Variants in MX2 observed in about 807,000 individuals in gnomAD.
MX2 encodes the protein interferon-induced GTP-binding protein Mx2.
Under a neutral mutation model 74.0 loss-of-function variants are expected in MX2, and 51 were observed. The ratio of observed to expected loss-of-function variants is 0.69; its 90% CI spans 0.55 to 0.87. The LOEUF (loss-of-function observed/expected upper bound fraction) is 0.87. MX2 is among the 40% of genes least tolerant of loss of function. The probability of loss-of-function intolerance (pLI) is 0.00; values close to 1 mark genes in which losing one functional copy is unlikely to be tolerated. For synonymous variants in MX2, 369 were observed against 339.3 expected (o/e 1.09, Z -0.96); for missense variants, 832 against 908.7 (o/e 0.92, Z 1.09).
chr21:41,398,086 G>C (rs1337412918), intron 8 of MX2, among the ~76,000 whole-genome samples: 2 of 152,096 alleles, frequency 1.3e-5, no homozygotes, highest in Non-Finnish European at 2.9e-5. Context: ...AAAGCCAGTG[G>C]ATCACCTGAG....
At chr21:41,381,602 A>G (rs1258252250) in intron 4 of MX2, among the ~76,000 whole-genome samples, 2 of 150,010 alleles carry the variant, frequency 1.3e-5, no homozygotes, top group African/African-American at 2.5e-5. Flanking sequence ...GGAGAATGGC[A>G]TGAACCCGAA....
At chr21:41,398,825 C>T in intron 8 of MX2, 72 bp from the exon 9 acceptor site, 4 of 1,571,332 alleles carry the variant, frequency 2.5e-6, no homozygotes, top group Non-Finnish European at 2.6e-6. Context: ...AGGGCTCCTA[C>T]TCATATACCA....
intron 6 of MX2, among the ~76,000 whole-genome samples, chr21:41,394,473 T>G (rs190663999): frequency 2.9e-4 from 44 of 152,318 alleles, no homozygotes; most frequent in Non-Finnish European, 5.9e-4. Flanking sequence ...CACGCACCGC[T>G]GCCCACGGTC....
In MX2 at chr21:41,382,404, C is replaced by G. The variant is rs2089508306; in HGVS notation, c.578-6C>G. On this transcript the variant is annotated splice_region_variant and splice_polypyrimidine_tract_variant and intron_variant, in intron 4 of 13. Transcript: ENST00000330714. ...CTCTGGGTTTCTCCCCTCCTGGCCT[C>G]CATAGCCCAGAACGTCATGGCCGGG... 1 of 1,613,786 alleles carries G rather than the reference C, an allele frequency of 6.2e-7. No individual in the cohort carries two copies. The highest frequency in any genetic ancestry group is 1.1e-5 in the South Asian group (1 of 91,050).
At chr21:41,404,886 A>AG (rs1160231000) in intron 12 of MX2, 33 of 150,752 alleles carry the variant, frequency 2.2e-4, no homozygotes, top group Admixed American at 1.6e-3. Context: ...AAAAAAAAAA[A>AG]AAAAAGAAAA....
intron 6 of MX2, among the ~76,000 whole-genome samples, chr21:41,391,445 G>A (rs2145927656): frequency 6.7e-6 from 1 of 149,738 alleles, no homozygotes; most frequent in Middle Eastern, 3.5e-3. Context: ...GAAGTGCAGT[G>A]GCATGATCTA....
In MX2 at chr21:41,376,972, G is replaced by A; in HGVS notation, c.66G>A (p.Leu22=). The A allele has an allele frequency of 6.2e-7, 1 of 1,614,080 alleles. No individual in the cohort carries two copies. The highest frequency in any genetic ancestry group is 1.1e-5 in the South Asian group (1 of 91,090). Residue 22 remains leucine, a synonymous_variant, in exon 2 of 14, where the codon CTG becomes CTA. Coordinates refer to ENST00000330714, the MANE Select transcript of MX2 (RefSeq NM_002463.2). ...RRSQFSSRKY[L]KKEMNSFQQQ... The stretch of plus-strand genomic sequence containing the variant: ...GTCAATTTTCTTCTCGAAAATACCT[G>A]AAAAAAGAAATGAATTCCTTCCAGC...
At chr21:41,376,736 G>A (rs1244012247) in intron 1 of MX2, 100 bp from the exon 2 acceptor site, 2 of 826,090 alleles carry the variant, frequency 2.4e-6, no homozygotes, top group African/African-American at 1.7e-5. Flanking sequence ...GTGTGTAGGG[G>A]GTAGGTTGTA....
intron 1 of MX2, chr21:41,365,385 T>G (rs960393218): frequency 6.6e-6 from 1 of 152,238 alleles, no homozygotes; most frequent in Admixed American, 6.5e-5. Flanking sequence ...CCTCCCACCC[T>G]CTACCCTTGA....
intron 1 of MX2, among the ~76,000 whole-genome samples, chr21:41,375,839 G>A (rs1240515501): frequency 2.0e-5 from 3 of 152,208 alleles, no homozygotes; most frequent in Non-Finnish European, 4.4e-5. Context: ...TACTACTAGA[G>A]GAAAGGGGGA....
intron 1 of MX2, among the ~76,000 whole-genome samples, chr21:41,369,940 G>A (rs989412637): frequency 6.6e-6 from 1 of 151,806 alleles, no homozygotes; most frequent in African/African-American, 2.4e-5. Flanking sequence ...CCCTCAGCCT[G>A]CCTTTAGCCA....
chr21:41,391,789 CTT>C (rs80000028), intron 6 of MX2, among the ~76,000 whole-genome samples: 31 of 141,494 alleles, frequency 2.2e-4, no homozygotes, highest in Admixed American at 2.8e-4. Context: ...TTTTCTTTTT[CTT>C]TTTTTTTTTT....
intron 1 of MX2, chr21:41,374,154 C>T (rs45430): frequency 0.49 from 74,905 of 152,258 alleles, 21,897 homozygotes; most frequent in East Asian, 0.79. Flanking sequence ...AACCCTCCCA[C>T]ATCCTCAGGA....
intron 1 of MX2, among the ~76,000 whole-genome samples, chr21:41,371,876 G>C (rs571202368): frequency 6.6e-6 from 1 of 152,242 alleles, no homozygotes; most frequent in Admixed American, 6.5e-5. Flanking sequence ...ACAGATAGAG[G>C]CCAAGACCGC....
chr21:41,403,109 A>C, intron 11 of MX2, 158 bp from the exon 12 acceptor site: 1 of 605,732 alleles, frequency 1.7e-6, no homozygotes, highest in South Asian at 1.9e-5. Flanking sequence ...ATGATGTCCC[A>C]CCCTCTCCTA....
At chr21:41,374,771 A>G (rs1040369899) in intron 1 of MX2, among the ~76,000 whole-genome samples, 10 of 152,180 alleles carry the variant, frequency 6.6e-5, no homozygotes, top group South Asian at 4.1e-4. Flanking sequence ...GCCTGGCCCA[A>G]CTGTCCCAAA....
At chr21:41,369,414 G>C (rs2089296124) in intron 1 of MX2, among the ~76,000 whole-genome samples, 1 of 152,158 alleles carries the variant, frequency 6.6e-6, no homozygotes, top group African/African-American at 2.4e-5. Context: ...AGCTCATTAG[G>C]AAACGCTGAG....
At position 41,409,194 on chromosome 21, in the gene MX2, A is replaced by G. The variant is rs959319002; in HGVS notation, c.*961A>G. The G allele has an allele frequency of 5.9e-5, 9 of 152,120 alleles. No individual in the cohort carries two copies. The highest frequency in any genetic ancestry group is 1.3e-4 in the Non-Finnish European group (9 of 68,096). The allele number at this position is 152,120 out of a possible 1,614,324, so 9.4% of individuals were successfully genotyped here. On this transcript the variant is annotated 3_prime_UTR_variant, in exon 14 of 14. Transcript: ENST00000330714. Reference sequence around the variant, plus strand: ...GTGAGCCATGACTGCACCATGTACTACAGCCTGGGTGACAGAGTGAGAGTG... The same window carrying G: ...GTGAGCCATGACTGCACCATGTACTGCAGCCTGGGTGACAGAGTGAGAGTG...
intron 3 of MX2, among the ~76,000 whole-genome samples, chr21:41,379,170 G>A (rs1350573341): frequency 6.6e-6 from 1 of 152,210 alleles, no homozygotes; most frequent in South Asian, 2.1e-4. Context: ...GGTGTGGGAT[G>A]GCCAGTCCTT....
Sources: gnomAD v4.1 joint callset for allele counts (sites outside exome capture counted in the v4.1 genomes callset) on GRCh38, gnomAD v4.1.1 for gene constraint, MANE v1.5 for transcripts, NCBI Gene and HGNC (gene_info 2026-07-23, HGNC 2026-07-21) for gene names.